The following HLA-DPA1 variants were observed in gnomAD, a reference collection of about 807,000 sequenced individuals.
HLA-DPA1 encodes major histocompatibility complex, class II, DP alpha 1.
HLA-DPA1 carries 20 observed loss-of-function variants against 21.5 expected under a neutral mutation model. The observed-to-expected ratio is 0.93, with a 90% CI of 0.66 to 1.35. HLA-DPA1 has a LOEUF of 1.35. Among genes scored for constraint, HLA-DPA1 ranks in the 40% most tolerant of loss-of-function variants. The pLI, the probability that HLA-DPA1 is intolerant of heterozygous loss-of-function variation, is 0.00. For synonymous variants in HLA-DPA1, 123 were observed against 129.6 expected, an observed-to-expected ratio of 0.95 and a Z score of 0.35; for missense variants, 279 against 323.0, an observed-to-expected ratio of 0.86 and a Z score of 1.05.
chr6:33,075,978 C>A (rs1206121479), intron 1 of HLA-DPA1: 20 of 1,229,114 alleles, frequency 1.6e-5, no homozygotes, highest in Admixed American at 4.0e-5. Flanking sequence ...ACAGGAGCTC[C>A]CTTTAGCGAG....
chr6:33,066,354 AG>A (rs1055467024), intron 5 of HLA-DPA1: 44 of 152,348 alleles, frequency 2.9e-4, no homozygotes, highest in African/African-American at 1.1e-3. Context: ...TATGGGGAAA[AG>A]GTGAACTATT....
At chr6:33,072,053 C>G (rs1272409438) in intron 2 of HLA-DPA1, among the ~76,000 whole-genome samples, 2 of 152,020 alleles carry the variant, frequency 1.3e-5, no homozygotes, top group Admixed American at 1.3e-4. Flanking sequence ...AATGAGAGAA[C>G]ATGATAGTTA....
intron 1 of HLA-DPA1, among the ~76,000 whole-genome samples, chr6:33,075,362 G>A (rs953274875): frequency 2.0e-5 from 3 of 152,148 alleles, no homozygotes; most frequent in Non-Finnish European, 2.9e-5. Context: ...GTGTGTCCAC[G>A]CTCCCAGTGT....
At chr6:33,072,809 T>C (rs1762343334) in intron 2 of HLA-DPA1, among the ~76,000 whole-genome samples, 1 of 152,274 alleles carries the variant, frequency 6.6e-6, no homozygotes. Context: ...AGGCCTCCCT[T>C]GCAGTCCTGA....
At chr6:33,076,602 G>A (rs1264833788) in intron 1 of HLA-DPA1, among the ~76,000 whole-genome samples, 1 of 152,206 alleles carries the variant, frequency 6.6e-6, no homozygotes, top group Non-Finnish European at 1.5e-5. Context: ...GGTGGAGCAG[G>A]AGCCCACATC....
chr6:33,068,976 T>C (rs770665831), intron 4 of HLA-DPA1, 43 bp downstream of exon 3: 4 of 1,601,552 alleles, frequency 2.5e-6, no homozygotes, highest in South Asian at 1.1e-5. Flanking sequence ...GTCTTTGGAA[T>C]AGAGGATGCC....
chr6:33,078,722 A>T (rs527282541), intron 1 of HLA-DPA1, among the ~76,000 whole-genome samples: 116 of 152,350 alleles, frequency 7.6e-4, no homozygotes, highest in Middle Eastern at 6.8e-3. Flanking sequence ...AAATGTACTT[A>T]AAAAATTACC....
At position 33,080,320 on chromosome 6, in the gene HLA-DPA1, C is replaced by T. The variant is rs1762767394; in HGVS notation, c.-100+360G>A. 6.4e-6 allele frequency: 3 copies of T among 467,994 alleles called. No individual in the cohort carries two copies. Among genetic ancestry groups the T allele is most frequent in the South Asian group, 1.7e-5 (1 of 57,184 alleles). 29.0% of individuals were successfully genotyped at this position (467,994 alleles called of 1,614,324 possible). ...AGCTCCGCCCTCCACGTCCCCAGCT[C>T]CTCCCGCCCCTGTTTTTTCTCCCAG... On this transcript the variant is annotated intron_variant, in intron 1 of 5. Transcript: ENST00000419277. The surrounding 1 kb of genome is among the most constrained non-coding windows in gnomAD (Gnocchi z 4.3).
At chr6:33,077,972 G>A (rs114275275) in intron 1 of HLA-DPA1, among the ~76,000 whole-genome samples, 1,553 of 152,280 alleles carry the variant, frequency 0.01, 31 homozygotes, top group African/African-American at 0.034. Context: ...TCAGCCCTGG[G>A]AACTGCAGAG....
At chr6:33,068,026 A>G (rs1762046566) in intron 5 of HLA-DPA1, 1 of 152,226 alleles carries the variant, frequency 6.6e-6, no homozygotes, top group Non-Finnish European at 1.5e-5. Context: ...CAAAACATAT[A>G]AAAATATAAA....
intron 1 of HLA-DPA1, among the ~76,000 whole-genome samples, chr6:33,076,915 T>G (rs1201318080): frequency 1.3e-5 from 2 of 152,034 alleles, no homozygotes; most frequent in African/African-American, 2.4e-5. Context: ...ACTCTCAGGA[T>G]ATTTCTTTTT....
chr6:33,072,230 T>A (rs1762314979), intron 2 of HLA-DPA1, among the ~76,000 whole-genome samples: 1 of 152,166 alleles, frequency 6.6e-6, no homozygotes, highest in African/African-American at 2.4e-5. Context: ...AGGTTCCTGA[T>A]GGCCAAGATG....
chr6:33,074,715 T>C (rs60349783), intron 1 of HLA-DPA1, among the ~76,000 whole-genome samples: 29,915 of 152,154 alleles, frequency 0.2, 3,596 homozygotes, highest in African/African-American at 0.33. Flanking sequence ...TTAAACCTCA[T>C]ATTAAACCTG....
At position 33,070,099 on chromosome 6, in the gene HLA-DPA1, AT is replaced by A. The variant is rs370160898; in HGVS notation, c.101-214del. 3.6e-3 allele frequency among the ~76,000 whole-genome samples: 542 copies of A among 152,336 alleles called. 3 individuals carry two copies. The highest frequency in any genetic ancestry group is 0.026 in the East Asian group (133 of 5,188). ...TAAAAAGAAAGGAGCAAAGAACAAA[AT>A]GAAAAGTTTATCACTGATAAGTCAA... On this transcript the variant is annotated intron_variant, in intron 2 of 5. Transcript: ENST00000419277.
intron 5 of HLA-DPA1, chr6:33,068,367 T>C (rs866039180): frequency 5.7e-6 from 2 of 350,748 alleles, no homozygotes; most frequent in African/African-American, 2.1e-5. Flanking sequence ...TCTCTGTGTA[T>C]GTAAAAAGAT....
exon 2 of HLA-DPA1, chr6:33,073,611 G>A (rs1400589632): frequency 1.4e-6 from 2 of 1,471,934 alleles, no homozygotes; most frequent in Non-Finnish European, 1.9e-6. Flanking sequence ...CACAGGAACA[G>A]TGATGAGGAA....
intron 5 of HLA-DPA1, chr6:33,065,611 A>C (rs67476218): frequency 0.29 from 43,812 of 151,864 alleles, 8,330 homozygotes; most frequent in East Asian, 0.69. Context: ...TCCAAAATAT[A>C]CAGACAAGGG....
At position 33,080,542 on chromosome 6, in the gene HLA-DPA1, G is replaced by A; in HGVS notation, c.-100+138C>T. On this transcript the variant is annotated intron_variant, in intron 1 of 5. Coordinates refer to ENST00000419277, the Ensembl canonical transcript of HLA-DPA1. This position sits in a 1 kb window ranked among gnomAD's most constrained non-coding sequence, Gnocchi z 4.3. ...TTAGGACCACAGAACTCGGTACTAG[G>A]AAAACTCCTATTTTAAAATCCAGCC... 7.2e-7 allele frequency: 1 copy of A among 1,380,542 alleles called. No individual in the cohort carries two copies. The highest frequency in any genetic ancestry group is 1.0e-6 in the Non-Finnish European group (1 of 986,780). 85.5% of individuals were successfully genotyped at this position (1,380,542 alleles called of 1,614,324 possible). A position where few individuals can be genotyped will look rare whatever the true frequency, so the allele number is the denominator to read the frequency against.
intron 5 of HLA-DPA1, chr6:33,068,192 A>G (rs3179779): frequency 0.32 from 48,664 of 153,956 alleles, 10,857 homozygotes; most frequent in East Asian, 0.69. Context: ...TATAGATCTG[A>G]CTCCATTATT....
Sources: gnomAD v4.1 joint callset for allele counts (sites outside exome capture counted in the v4.1 genomes callset) on GRCh38, gnomAD v4.1.1 for gene constraint, Gnocchi (gnomAD v3.1) non-coding constraint, MANE v1.5 for transcripts, NCBI Gene and HGNC (gene_info 2026-07-23, HGNC 2026-07-21) for gene names.